Variants in FMN1 observed in about 807,000 individuals in gnomAD.
The protein encoded by FMN1 is formin-1.
Under a neutral mutation model 132.4 loss-of-function variants are expected in FMN1, and 110 were observed. That is an observed-to-expected ratio of 0.83 (90% CI 0.71 to 0.97). The LOEUF (loss-of-function observed/expected upper bound fraction) is 0.97. Among genes scored for constraint, FMN1 ranks in the 50% least tolerant of loss-of-function variants. The probability of loss-of-function intolerance (pLI) is 0.00; values close to 1 mark genes in which losing one functional copy is unlikely to be tolerated. For missense variants in FMN1, 1,792 were observed against 1,705.3 expected (o/e 1.05, Z -0.90); for synonymous variants, 722 against 651.7 (o/e 1.11, Z -1.64).
rs75744947 is a variant in FMN1 at position 33,162,841 on chromosome 15, G to T, written c.-131-7796C>A. Among the ~76,000 whole-genome samples, 1,380 of 152,316 alleles carry T rather than the reference G, an allele frequency of 9.1e-3. 22 individuals are homozygous for T. The highest frequency in any genetic ancestry group is 0.032 in the African/African-American group (1,317 of 41,570). On this transcript the variant is annotated intron_variant, in intron 3 of 20. Transcript: ENST00000616417. The stretch of plus-strand genomic sequence containing the variant: ...AACAAATTAAAGTGTTACAGGCCGG[G>T]CGTGGTGGCTCACGCCTGTAATCCC...
intron 15 of FMN1, among the ~76,000 whole-genome samples, chr15:32,895,091 A>G (rs901250610): frequency 2.6e-5 from 4 of 152,202 alleles, no homozygotes; most frequent in Admixed American, 2.6e-4. Context: ...AGCTATTATA[A>G]GTAAATAGTC....
intron 17 of FMN1, among the ~76,000 whole-genome samples, chr15:32,842,510 C>A (rs1236140718): frequency 6.6e-6 from 1 of 152,196 alleles, no homozygotes; most frequent in South Asian, 2.1e-4. Context: ...TATTACCAAT[C>A]GGCTATAATT....
intron 19 of FMN1, among the ~76,000 whole-genome samples, chr15:32,794,641 C>T (rs536105302): frequency 6.6e-6 from 1 of 152,152 alleles, no homozygotes; most frequent in African/African-American, 2.4e-5. Flanking sequence ...AATTAGGTTA[C>T]CTACTTGCAG....
intron 4 of FMN1, among the ~76,000 whole-genome samples, chr15:33,112,312 T>C (rs940922495): frequency 4.0e-5 from 6 of 151,040 alleles, no homozygotes; most frequent in Non-Finnish European, 8.9e-5. Flanking sequence ...TTTTATATAA[T>C]TTTGTTTCCA....
At chr15:33,052,074 C>G (rs1377980784) in intron 6 of FMN1, among the ~76,000 whole-genome samples, 1 of 152,226 alleles carries the variant, frequency 6.6e-6, no homozygotes, top group African/African-American at 2.4e-5. Flanking sequence ...GATGCTAACA[C>G]TATCACTAAT....
intron 10 of FMN1, among the ~76,000 whole-genome samples, chr15:32,912,900 C>T (rs918910412): frequency 5.9e-5 from 9 of 152,112 alleles, no homozygotes; most frequent in African/African-American, 1.9e-4. Flanking sequence ...TAGCATAGCA[C>T]GTAGAACATG....
chr15:32,904,569 G>C (rs942547910), intron 12 of FMN1, among the ~76,000 whole-genome samples: 4 of 152,114 alleles, frequency 2.6e-5, no homozygotes, highest in African/African-American at 9.7e-5. Flanking sequence ...AATGGAGAGG[G>C]GCAAATGGAT....
intron 5 of FMN1, among the ~76,000 whole-genome samples, chr15:33,081,854 A>C (rs1004003045): frequency 6.6e-6 from 1 of 152,096 alleles, no homozygotes; most frequent in Non-Finnish European, 1.5e-5. Context: ...GCTTGGGAGG[A>C]GCCTTGGTAA....
intron 5 of FMN1, among the ~76,000 whole-genome samples, chr15:33,072,221 A>G (rs1046545864): frequency 6.6e-6 from 1 of 152,230 alleles, no homozygotes; most frequent in Non-Finnish European, 1.5e-5. Flanking sequence ...GTATGGGTTC[A>G]CCTATACAAT....
intron 3 of FMN1, among the ~76,000 whole-genome samples, chr15:33,170,936 T>C (rs1193944392): frequency 6.6e-6 from 1 of 152,184 alleles, no homozygotes; most frequent in Non-Finnish European, 1.5e-5. Context: ...AAGGGATACC[T>C]GCACCCTCAT....
chr15:33,017,652 T>G (rs1277735408), intron 6 of FMN1, among the ~76,000 whole-genome samples: 1 of 152,164 alleles, frequency 6.6e-6, no homozygotes, highest in African/African-American at 2.4e-5. Flanking sequence ...ATTCAACACA[T>G]AAGAATTTCT....
chr15:33,178,746 A>T (rs1965599823), intron 3 of FMN1, among the ~76,000 whole-genome samples: 1 of 152,210 alleles, frequency 6.6e-6, no homozygotes, highest in African/African-American at 2.4e-5. Flanking sequence ...GGTACATAGT[A>T]AGTACTATAT....
chr15:33,183,073 C>T (rs1479402403), intron 2 of FMN1, among the ~76,000 whole-genome samples: 12 of 152,202 alleles, frequency 7.9e-5, no homozygotes, highest in Non-Finnish European at 5.9e-5. Flanking sequence ...CTATGACTTA[C>T]ACCACTGTGT....
At position 32,969,221 on chromosome 15, in the gene FMN1, T is replaced by G. The variant is rs2031557026; in HGVS notation, c.2480A>C (p.Gln827Pro). 1.9e-6 allele frequency: 3 copies of G among 1,613,908 alleles called. No individual in the cohort carries two copies. Among genetic ancestry groups the G allele is most frequent in the Non-Finnish European group, 2.5e-6 (3 of 1,179,882 alleles). Residue 827 changes from glutamine (Q) to proline (P), a missense_variant, in exon 8 of 21, where the codon CAA becomes CCA. By Grantham distance (76) the Gln-to-Pro change is moderately conservative. Coordinates refer to ENST00000616417, the MANE Select transcript of FMN1 (RefSeq NM_001277313.2). Reference protein sequence around the residue: ...ESESKTTRSNQLVPKKLNISS... With the variant: ...ESESKTTRSNPLVPKKLNISS... ...GATATTCAGCTTTTTGGGTACTAAT[T>G]GATTACTTCTGGTTGTCTTGCTTTC... is the stretch of plus-strand genomic sequence containing the variant.
chr15:32,918,151 TAAG>T (rs1487068259), intron 10 of FMN1, among the ~76,000 whole-genome samples: 2 of 151,878 alleles, frequency 1.3e-5, no homozygotes, highest in Non-Finnish European at 2.9e-5. Flanking sequence ...TTACCTTAAA[TAAG>T]AAGAAAATAA....
intron 6 of FMN1, among the ~76,000 whole-genome samples, chr15:33,030,728 A>G (rs188782541): frequency 6.6e-6 from 1 of 152,228 alleles, no homozygotes; most frequent in Non-Finnish European, 1.5e-5. Flanking sequence ...TAAAATGCCC[A>G]TTGTAAAACA....
chr15:32,990,826 A>G (rs2140851810), intron 7 of FMN1, among the ~76,000 whole-genome samples: 1 of 152,278 alleles, frequency 6.6e-6, no homozygotes, highest in South Asian at 2.1e-4. Flanking sequence ...GAGAAGAATG[A>G]GAGTCAAGCA....
intron 6 of FMN1, among the ~76,000 whole-genome samples, chr15:33,052,709 C>T (rs2037033896): frequency 6.6e-6 from 1 of 152,152 alleles, no homozygotes; most frequent in African/African-American, 2.4e-5. Flanking sequence ...CAGTTTAAAG[C>T]CTGAAAGCCA....
chr15:33,026,096 TACACACACACACAC>T (rs58334971), intron 6 of FMN1, among the ~76,000 whole-genome samples: 20,521 of 144,780 alleles, frequency 0.14, 1,511 homozygotes, highest in Middle Eastern at 0.23. Context: ...TGCTTAGGCA[TACACACACACACAC>T]ACACACACAC....
Sources: gnomAD v4.1 joint callset for allele counts (sites outside exome capture counted in the v4.1 genomes callset) on GRCh38, gnomAD v4.1.1 for gene constraint, MANE v1.5 for transcripts, NCBI Gene and HGNC (gene_info 2026-07-23, HGNC 2026-07-21) for gene names.